SDCCAG8: variants seen among roughly 807,000 people sequenced by gnomAD.
SDCCAG8 encodes the protein SHH signaling and ciliogenesis regulator SDCCAG8, also known as serologically defined colon cancer antigen 8.
SDCCAG8 carries 74 observed loss-of-function variants against 101.8 expected under a neutral mutation model. That is an observed-to-expected ratio of 0.73 (90% CI 0.60 to 0.88). The LOEUF (loss-of-function observed/expected upper bound fraction) is 0.88. Among genes scored for constraint, SDCCAG8 ranks in the 40% least tolerant of loss-of-function variants. The pLI, the probability that SDCCAG8 is intolerant of heterozygous loss-of-function variation, is 0.00. For missense variants in SDCCAG8, 787 were observed against 822.6 expected, an observed-to-expected ratio of 0.96 and a Z score of 0.53; for synonymous variants, 281 against 292.9, an observed-to-expected ratio of 0.96 and a Z score of 0.41.
At chr1:243,454,182 A>G (rs1190326927) in intron 16 of SDCCAG8, among the ~76,000 whole-genome samples, 2 of 152,114 alleles carry the variant, frequency 1.3e-5, no homozygotes, top group East Asian at 1.9e-4. Context: ...TGAATATGGT[A>G]TTTTGCTTTA....
intron 6 of SDCCAG8, among the ~76,000 whole-genome samples, chr1:243,296,942 C>G (rs1303638320): frequency 6.6e-6 from 1 of 152,020 alleles, no homozygotes; most frequent in Admixed American, 6.6e-5. Flanking sequence ...TACCCTCCTC[C>G]TTTATATTTT....
intron 16 of SDCCAG8, among the ~76,000 whole-genome samples, chr1:243,446,029 T>C (rs2082877253): frequency 6.6e-6 from 1 of 152,138 alleles, no homozygotes; most frequent in Admixed American, 6.5e-5. Flanking sequence ...AAGCGCCCAT[T>C]TGTGCTGGTG....
At chr1:243,455,129 A>G (rs1311383007) in intron 16 of SDCCAG8, among the ~76,000 whole-genome samples, 1 of 152,228 alleles carries the variant, frequency 6.6e-6, no homozygotes, top group African/African-American at 2.4e-5. Flanking sequence ...AAAGGAGGAA[A>G]TCTATTTCAG....
At chr1:243,473,922 C>T (rs9428964) in intron 16 of SDCCAG8, among the ~76,000 whole-genome samples, 1 of 7,782 alleles carries the variant, frequency 1.3e-4, no homozygotes, top group South Asian at 8.6e-3. Flanking sequence ...GAGTTGCCGG[C>T]GGGGGGGGGG....
rs183876337 is a variant in SDCCAG8, at chr1:243,459,797, G to T, written c.1986-29217G>T. Among the ~76,000 whole-genome samples, 994 of 152,146 alleles carry T rather than the reference G, an allele frequency of 6.5e-3. 11 individuals carry two copies. The highest frequency in any genetic ancestry group is 9.9e-3 in the Non-Finnish European group (670 of 67,998). On this transcript the variant is annotated intron_variant, in intron 16 of 17. Transcript: ENST00000366541. ...TATTTTTATTTTTTCTGGTGATGAG[G>T]TCTCACTACATTGCCCAGGCTGGTC...
intron 1 of SDCCAG8, chr1:243,267,986 T>C (rs1291234019): frequency 5.1e-6 from 4 of 780,674 alleles, no homozygotes; most frequent in African/African-American, 5.1e-5. Flanking sequence ...AACTTCTCTT[T>C]CCTTTAACGC....
chr1:243,348,818 CAAA>C (rs34405078), intron 12 of SDCCAG8, among the ~76,000 whole-genome samples: 3,917 of 131,216 alleles, frequency 0.03, 166 homozygotes, highest in African/African-American at 0.1. Context: ...ACTAAAAATA[CAAA>C]AAAAAAAAAA....
At chr1:243,259,532 A>C (rs2067029695) in intron 1 of SDCCAG8, among the ~76,000 whole-genome samples, 1 of 150,586 alleles carries the variant, frequency 6.6e-6, no homozygotes, top group Non-Finnish European at 1.5e-5. Flanking sequence ...CTTGTTTTTA[A>C]AATGAGGTTG....
At chr1:243,315,721 C>G (rs1369523731) in intron 8 of SDCCAG8, among the ~76,000 whole-genome samples, 1 of 152,094 alleles carries the variant, frequency 6.6e-6, no homozygotes, top group East Asian at 1.9e-4. Flanking sequence ...CTCTTTAAAA[C>G]TTGCTAATTA....
chr1:243,288,709 A>T (rs1039226808), intron 5 of SDCCAG8, among the ~76,000 whole-genome samples: 1 of 152,110 alleles, frequency 6.6e-6, no homozygotes, highest in Non-Finnish European at 1.5e-5. Context: ...AATGCCTTTT[A>T]AGAAAGATAA....
At chr1:243,379,067 A>G (rs2077775598) in intron 13 of SDCCAG8, among the ~76,000 whole-genome samples, 1 of 152,246 alleles carries the variant, frequency 6.6e-6, no homozygotes. Context: ...GATAGATTAC[A>G]AAACCTTTCA....
intron 9 of SDCCAG8, 105 bp downstream of exon 9, chr1:243,316,998 C>T: frequency 8.5e-7 from 1 of 1,179,788 alleles, no homozygotes; most frequent in East Asian, 2.6e-5. Context: ...GTTTTTCAAA[C>T]ACACAAAGTG....
chr1:243,463,220 A>G (rs1659476753), intron 16 of SDCCAG8, among the ~76,000 whole-genome samples: 1 of 152,228 alleles, frequency 6.6e-6, no homozygotes, highest in South Asian at 2.1e-4. Flanking sequence ...GTCATAGTGC[A>G]CTGTGGTAAG....
In SDCCAG8 at chr1:243,413,225, A is replaced by G. The variant is rs565063677; in HGVS notation, c.1617-2477A>G. On this transcript the variant is annotated intron_variant, in intron 13 of 17. Coordinates refer to ENST00000366541, the MANE Select transcript of SDCCAG8 (RefSeq NM_006642.5). The stretch of plus-strand genomic sequence containing the variant: ...TTTTTATTTTTATTTATCTATTTTG[A>G]GACAGAATCTCACTCTATCACTCAG... Among the ~76,000 whole-genome samples, 6 of 152,174 alleles carry G rather than the reference A, an allele frequency of 3.9e-5. No homozygotes were observed. In the East Asian group the frequency reaches 1.2e-3, roughly 29 times the overall value.
intron 13 of SDCCAG8, among the ~76,000 whole-genome samples, chr1:243,388,900 G>A (rs1334477611): frequency 6.9e-6 from 1 of 145,826 alleles, no homozygotes. Flanking sequence ...GGGAGGCTAC[G>A]TGGTGGTGCG....
intron 11 of SDCCAG8, 135 bp downstream of exon 11, chr1:243,341,308 T>G: frequency 1.1e-6 from 1 of 886,508 alleles, no homozygotes; most frequent in Non-Finnish European, 1.7e-6. Flanking sequence ...TCAAGAATAA[T>G]AAAAGGCCAC....
intron 16 of SDCCAG8, among the ~76,000 whole-genome samples, chr1:243,429,616 ACTC>A (rs2081576660): frequency 6.7e-6 from 1 of 150,052 alleles, no homozygotes; most frequent in South Asian, 2.1e-4. Context: ...GTAACCTTGA[ACTC>A]CTGGGCTCAA....
chr1:243,354,800 T>A (rs764705309), intron 12 of SDCCAG8, among the ~76,000 whole-genome samples: 18 of 152,236 alleles, frequency 1.2e-4, no homozygotes, highest in Non-Finnish European at 2.4e-4. Context: ...AATATGATCA[T>A]CTTAAGATTT....
intron 15 of SDCCAG8, among the ~76,000 whole-genome samples, chr1:243,419,917 C>T (rs1331191300): frequency 6.6e-6 from 1 of 152,216 alleles, no homozygotes. Context: ...CTGTACTGGT[C>T]TAACTCAGAA....
Sources: allele counts gnomAD v4.1 joint callset (sites outside exome capture counted in the v4.1 genomes callset), GRCh38; gene constraint gnomAD v4.1.1; transcripts MANE v1.5; gene names NCBI Gene and HGNC (gene_info 2026-07-23, HGNC 2026-07-21).